Variants in PPM1E observed in about 807,000 individuals in gnomAD.
PPM1E encodes protein phosphatase, Mg2+/Mn2+ dependent 1E.
Under a neutral mutation model 65.9 loss-of-function variants are expected in PPM1E, and 20 were observed. The observed-to-expected ratio is 0.30, with a 90% CI of 0.21 to 0.44. The LOEUF is 0.44. Ranked by LOEUF, PPM1E falls within the 20% of genes least tolerant of loss-of-function variation. The pLI, the probability that PPM1E is intolerant of heterozygous loss-of-function variation, is 1.00. For synonymous variants in PPM1E, 352 were observed against 374.9 expected (o/e 0.94, Z 0.70); for missense variants, 713 against 953.1 (o/e 0.75, Z 3.32).
chr17:58,783,401 C>T (rs1598568242), intron 1 of PPM1E, among the ~76,000 whole-genome samples: 1 of 152,152 alleles, frequency 6.6e-6, no homozygotes, highest in South Asian at 2.1e-4. Context: ...TGTTGATAAA[C>T]TTAATTGTGA....
At chr17:58,846,131 A>C (rs534731189) in intron 1 of PPM1E, among the ~76,000 whole-genome samples, 1 of 152,188 alleles carries the variant, frequency 6.6e-6, no homozygotes, top group South Asian at 2.1e-4. Flanking sequence ...TGTTATGATT[A>C]TAAATGTATA....
At chr17:58,959,366 G>A (rs992095409) in intron 2 of PPM1E, among the ~76,000 whole-genome samples, 4 of 149,944 alleles carry the variant, frequency 2.7e-5, no homozygotes, top group Non-Finnish European at 4.4e-5. Flanking sequence ...TTGGGAGGCT[G>A]AGGCGGGCGG....
intron 1 of PPM1E, among the ~76,000 whole-genome samples, chr17:58,876,828 G>T (rs781423853): frequency 6.6e-6 from 1 of 152,060 alleles, no homozygotes. Context: ...CTGTCCGCCA[G>T]GCTGGAGTGC....
intron 1 of PPM1E, among the ~76,000 whole-genome samples, chr17:58,842,515 A>G (rs903253115): frequency 6.6e-6 from 1 of 152,156 alleles, no homozygotes; most frequent in African/African-American, 2.4e-5. Context: ...TGTAAATCAA[A>G]AACTGTTGGC....
At chr17:58,779,362 G>A (rs1343263768) in intron 1 of PPM1E, among the ~76,000 whole-genome samples, 2 of 151,868 alleles carry the variant, frequency 1.3e-5, no homozygotes, top group Non-Finnish European at 1.5e-5. Flanking sequence ...TAGTAGAAAC[G>A]GGGTTTCACC....
rs142233242 is a variant in PPM1E, at chr17:58,852,414, A to G, written c.464+95953A>G. ...TTGGAACCCTTATTTTACATTTTCAACAGTGCACAGGGTTCTGATTTCTCC... is the reference window on the plus strand; with the variant it reads ...TTGGAACCCTTATTTTACATTTTCAGCAGTGCACAGGGTTCTGATTTCTCC... On this transcript the variant is annotated intron_variant, in intron 1 of 6. Coordinates refer to ENST00000308249, the MANE Select transcript of PPM1E (RefSeq NM_014906.5). Among the ~76,000 whole-genome samples, 190 of 152,108 alleles carry G rather than the reference A, an allele frequency of 1.2e-3. 1 individual carries two copies. The highest frequency in any genetic ancestry group is 4.3e-3 in the African/African-American group (178 of 41,500).
intron 1 of PPM1E, among the ~76,000 whole-genome samples, chr17:58,796,931 C>T (rs1265012755): frequency 1.3e-5 from 2 of 152,052 alleles, no homozygotes; most frequent in Non-Finnish European, 2.9e-5. Flanking sequence ...CATGGTGAAA[C>T]CCCGTCTCTA....
chr17:58,884,276 G>A (rs73993815), intron 1 of PPM1E, among the ~76,000 whole-genome samples: 98 of 152,192 alleles, frequency 6.4e-4, no homozygotes, highest in African/African-American at 2.3e-3. Flanking sequence ...AGTTCCACAG[G>A]TCCATAGTCT....
intron 1 of PPM1E, among the ~76,000 whole-genome samples, chr17:58,763,690 C>T (rs1467671248): frequency 1.3e-5 from 2 of 152,120 alleles, no homozygotes; most frequent in African/African-American, 4.8e-5. Context: ...TTTTGTCCAG[C>T]AGTACTGTAT....
chr17:58,906,419 G>A (rs1291302835), intron 1 of PPM1E, among the ~76,000 whole-genome samples: 2 of 152,122 alleles, frequency 1.3e-5, no homozygotes, highest in East Asian at 1.9e-4. Flanking sequence ...GCTCACTGCA[G>A]CTTCAATCTC....
At chr17:58,837,111 G>A (rs992958202) in intron 1 of PPM1E, among the ~76,000 whole-genome samples, 4 of 150,348 alleles carry the variant, frequency 2.7e-5, no homozygotes, top group Non-Finnish European at 4.4e-5. Context: ...GTTTGTTGGC[G>A]CATGCCTGTA....
At chr17:58,872,119 G>A (rs2051077824) in intron 1 of PPM1E, among the ~76,000 whole-genome samples, 1 of 152,042 alleles carries the variant, frequency 6.6e-6, no homozygotes, top group South Asian at 2.1e-4. Flanking sequence ...CCAACACAGT[G>A]AAACCCTGTC....
At chr17:58,764,292 A>G (rs1226164117) in intron 1 of PPM1E, among the ~76,000 whole-genome samples, 2 of 152,106 alleles carry the variant, frequency 1.3e-5, no homozygotes, top group African/African-American at 4.8e-5. Flanking sequence ...CCACAACTAC[A>G]ACAACAAAAA....
intron 1 of PPM1E, among the ~76,000 whole-genome samples, chr17:58,838,795 G>A (rs7342841): frequency 0.15 from 22,318 of 152,064 alleles, 2,552 homozygotes; most frequent in East Asian, 0.31. Flanking sequence ...CTTGATAGGC[G>A]AATGGATAAC....
At position 58,891,257 on chromosome 17, in the gene PPM1E, G is replaced by A. The variant is rs184503360; in HGVS notation, c.465-64392G>A. The stretch of plus-strand genomic sequence containing the variant: ...TTGGGATTACAGGCATGAGCCACTC[G>A]CACCTGGTGAAATTAAATAAATTTT... On this transcript the variant is annotated intron_variant, in intron 1 of 6. Transcript: ENST00000308249. 1.2e-3 allele frequency among the ~76,000 whole-genome samples: 177 copies of A among 151,772 alleles called. 1 individual carries two copies. In the Middle Eastern group the frequency reaches 0.021, roughly 18 times the overall value.
chr17:58,837,320 A>ACACACAT (rs1567849044), intron 1 of PPM1E, among the ~76,000 whole-genome samples: 12 of 120,240 alleles, frequency 1.0e-4, no homozygotes, highest in African/African-American at 4.0e-4. Flanking sequence ...GAATGAGAAT[A>ACACACAT]ACACACACAC....
At chr17:58,811,292 G>C (rs765302003) in intron 1 of PPM1E, among the ~76,000 whole-genome samples, 4 of 152,132 alleles carry the variant, frequency 2.6e-5, no homozygotes, top group Admixed American at 6.5e-5. Context: ...TATTTATCTG[G>C]AATGGACGGT....
Position 58,844,904 on chromosome 17 carries a change from A to T in PPM1E, c.464+88443A>T, listed in dbSNP as rs547980827. Among the ~76,000 whole-genome samples, 3 of 152,358 alleles carry T rather than the reference A, an allele frequency of 2.0e-5. No individual in the cohort carries two copies. In the East Asian group the frequency reaches 5.8e-4, roughly 29 times the overall value. On this transcript the variant is annotated intron_variant, in intron 1 of 6. Coordinates refer to ENST00000308249, the MANE Select transcript of PPM1E (RefSeq NM_014906.5). ...GAACTAAGAGACTAAAGAGACATAG[A>T]GACCAAATTTTTAAAGTTAAAATAT...
At chr17:58,817,218 C>T (rs761018231) in intron 1 of PPM1E, among the ~76,000 whole-genome samples, 6 of 151,958 alleles carry the variant, frequency 3.9e-5, no homozygotes, top group South Asian at 2.1e-4. Flanking sequence ...TGAATAATGC[C>T]GCTGTAGAAA....
Sources: allele counts gnomAD v4.1 joint callset (sites outside exome capture counted in the v4.1 genomes callset), GRCh38; gene constraint gnomAD v4.1.1; transcripts MANE v1.5; gene names NCBI Gene and HGNC (gene_info 2026-07-23, HGNC 2026-07-21).